The following USP34 variants were observed in gnomAD, a reference collection of about 807,000 sequenced individuals.
USP34 encodes the protein ubiquitin specific peptidase 34.
A neutral mutation model predicts 460.3 loss-of-function variants in USP34; 70 were observed. The observed-to-expected ratio is 0.15, with a 90% CI of 0.13 to 0.19. USP34 has a LOEUF of 0.19. Ranked by LOEUF, USP34 falls within the 10% of genes least tolerant of loss-of-function variation. The pLI, the probability that USP34 is intolerant of heterozygous loss-of-function variation, is 1.00. For synonymous variants in USP34, 1,647 were observed against 1,405.3 expected (o/e 1.17, Z -3.85); for missense variants, 3,985 against 4,236.2 (o/e 0.94, Z 1.65).
At chr2:61,222,985 C>G in intron 64 of USP34, 75 bp downstream of exon 64, 1 of 1,321,412 alleles carries the variant, frequency 7.6e-7, no homozygotes. Context: ...GCATGAGCCA[C>G]CGCACTCGGC....
intron 67 of USP34, among the ~76,000 whole-genome samples, chr2:61,218,987 G>C (rs1377490406): frequency 6.6e-6 from 1 of 152,182 alleles, no homozygotes; most frequent in Non-Finnish European, 1.5e-5. Context: ...TACTCAATGA[G>C]TGAGGAATTA....
chr2:61,372,264 T>C (rs1289999729), intron 8 of USP34, among the ~76,000 whole-genome samples: 2 of 152,074 alleles, frequency 1.3e-5, no homozygotes. Flanking sequence ...CATATGGACC[T>C]CAAAGGGTAA....
intron 53 of USP34, among the ~76,000 whole-genome samples, chr2:61,238,966 TTATTA>T (rs1445641087): frequency 3.3e-5 from 5 of 150,674 alleles, no homozygotes; most frequent in African/African-American, 1.2e-4. Context: ...ATTTTCATCA[TTATTA>T]TATATTATTA....
intron 2 of USP34, among the ~76,000 whole-genome samples, chr2:61,414,108 A>C (rs1386700861): frequency 6.6e-6 from 1 of 151,872 alleles, no homozygotes; most frequent in Non-Finnish European, 1.5e-5. Flanking sequence ...AATACAAAAG[A>C]AATTAGCCGG....
intron 1 of USP34, among the ~76,000 whole-genome samples, chr2:61,427,274 C>T (rs903690823): frequency 3.3e-5 from 5 of 152,176 alleles, no homozygotes; most frequent in East Asian, 1.9e-4. Flanking sequence ...GTGATCCACC[C>T]GCCTTGGCCT....
At chr2:61,302,960 C>T (rs1690274467) in intron 27 of USP34, among the ~76,000 whole-genome samples, 1 of 152,116 alleles carries the variant, frequency 6.6e-6, no homozygotes, top group Non-Finnish European at 1.5e-5. Context: ...ATAAATTTAC[C>T]TAACATCTTT....
intron 1 of USP34, among the ~76,000 whole-genome samples, chr2:61,450,562 G>C (rs906112344): frequency 1.3e-5 from 2 of 152,086 alleles, no homozygotes; most frequent in African/African-American, 4.8e-5. Context: ...AGGAGTTTGA[G>C]ACCAGCCCGG....
intron 1 of USP34, among the ~76,000 whole-genome samples, chr2:61,453,022 A>G (rs1462382522): frequency 6.6e-6 from 1 of 152,104 alleles, no homozygotes; most frequent in Non-Finnish European, 1.5e-5. Flanking sequence ...AGAATATCTA[A>G]TATTTTTAAA....
chr2:61,287,066 G>C (rs550752890), intron 34 of USP34, among the ~76,000 whole-genome samples: 1 of 152,220 alleles, frequency 6.6e-6, no homozygotes. Flanking sequence ...GTACATTGCA[G>C]AATACATTCA....
rs759020383 is a variant in USP34, at chr2:61,221,524, T to C, written c.7877A>G (p.Tyr2626Cys). 28 of 1,613,830 alleles carry C rather than the reference T, an allele frequency of 1.7e-5. No individual in the cohort carries two copies. In the Middle Eastern group the frequency reaches 4.9e-4, roughly 28 times the overall value. Reference sequence around the variant, plus strand: ...TACCTCCCATATCCTCTGCAGAATATAAGATGCAAAGGGAGGCATTCCTGG... The same window carrying C: ...TACCTCCCATATCCTCTGCAGAATACAAGATGCAAAGGGAGGCATTCCTGG... The part of the protein sequence containing the change: ...GPPGMPPFAS[Y>C]ILQRIWEVIE... Residue 2626 changes from tyrosine (Y) to cysteine (C), a missense_variant, in exon 66 of 80, where the codon TAT (tyrosine) becomes TGT (cysteine). Physicochemically the swap from Tyr to Cys is radical, Grantham distance 194 (BLOSUM62 -2). Transcript: ENST00000398571.
chr2:61,270,935 T>C (rs1292182122), intron 41 of USP34, among the ~76,000 whole-genome samples: 2 of 152,176 alleles, frequency 1.3e-5, no homozygotes, highest in African/African-American at 4.8e-5. Flanking sequence ...TTACTCATAT[T>C]CTTTCCTATG....
At chr2:61,218,461 C>T (rs1247178259) in intron 67 of USP34, among the ~76,000 whole-genome samples, 1 of 152,054 alleles carries the variant, frequency 6.6e-6, no homozygotes, top group Non-Finnish European at 1.5e-5. Context: ...CCTAGTTTCC[C>T]CCACAGTTAA....
rs1290663594 is a variant in USP34 at position 61,291,734 on chromosome 2, AGGT to A, written c.4548+1727_4548+1729del. 2.0e-5 allele frequency among the ~76,000 whole-genome samples: 3 copies of A among 152,222 alleles called. No individual in the cohort carries two copies. The East Asian group carries it at 5.8e-4, about 29-fold the overall frequency. On this transcript the variant is annotated intron_variant, in intron 33 of 79. Transcript: ENST00000398571. ...ATAAAATACCACTTAAGTATTGGCAAGGTATACCACTCCTAAGCATATGCCAAA... is the reference window on the plus strand; with the variant it reads ...ATAAAATACCACTTAAGTATTGGCAAATACCACTCCTAAGCATATGCCAAA...
intron 48 of USP34, among the ~76,000 whole-genome samples, chr2:61,254,671 T>C (rs1477551115): frequency 1.3e-5 from 2 of 152,256 alleles, no homozygotes; most frequent in East Asian, 1.9e-4. Context: ...TAAGAGCCTT[T>C]TGGCCAGGTG....
At chr2:61,342,813 T>C (rs980824930) in intron 16 of USP34, among the ~76,000 whole-genome samples, 1 of 152,210 alleles carries the variant, frequency 6.6e-6, no homozygotes, top group African/African-American at 2.4e-5. Flanking sequence ...ACCATTTTGT[T>C]CAATTTCTAA....
chr2:61,415,880 C>G (rs1288007073), intron 2 of USP34, among the ~76,000 whole-genome samples: 2 of 152,080 alleles, frequency 1.3e-5, no homozygotes, highest in Non-Finnish European at 2.9e-5. Context: ...TTTTAAAATG[C>G]AATGATAAAA....
chr2:61,469,543 C>T (rs1269157108), intron 1 of USP34, among the ~76,000 whole-genome samples: 1 of 152,134 alleles, frequency 6.6e-6, no homozygotes, highest in South Asian at 2.1e-4. Context: ...AAGTTAGAAC[C>T]CTTCCACTTT....
intron 1 of USP34, among the ~76,000 whole-genome samples, chr2:61,431,167 T>G (rs946945533): frequency 1.3e-5 from 2 of 152,184 alleles, no homozygotes; most frequent in African/African-American, 4.8e-5. Context: ...ATTCTAGTGT[T>G]TTATAGTACT....
chr2:61,242,130 G>A (rs1688281073), intron 51 of USP34, among the ~76,000 whole-genome samples: 2 of 152,050 alleles, frequency 1.3e-5, no homozygotes, highest in Admixed American at 1.3e-4. Context: ...AGTTGGCCTT[G>A]TCCTAATTTT....
Sources: gnomAD v4.1 joint callset for allele counts (sites outside exome capture counted in the v4.1 genomes callset) on GRCh38, gnomAD v4.1.1 for gene constraint, MANE v1.5 for transcripts, NCBI Gene and HGNC (gene_info 2026-07-23, HGNC 2026-07-21) for gene names.